Variants in IL13RA1 observed in about 807,000 individuals in gnomAD.
IL13RA1 encodes interleukin-13 receptor subunit alpha-1.
Under a neutral mutation model 33.8 loss-of-function variants are expected in IL13RA1, and 14 were observed. The observed-to-expected ratio is 0.41, with a 90% confidence interval of 0.27 to 0.65. The LOEUF (loss-of-function observed/expected upper bound fraction) is 0.65. IL13RA1 is among the 30% of genes least tolerant of loss of function. The pLI, the probability that IL13RA1 is intolerant of heterozygous loss-of-function variation, is 0.28. For missense variants in IL13RA1, 313 were observed against 327.0 expected (o/e 0.96, Z 0.33); for synonymous variants, 116 against 115.7 (o/e 1.00, Z -0.02).
rs182338764 is a variant in IL13RA1 at position 118,771,456 on chromosome X, C to G, written c.1010-2423C>G. ...GACACAGTAATGCTGGGGTGAGATGCTTGAAACTGTGTTTTAACAAACTCC... is the reference window on the plus strand; with the variant it reads ...GACACAGTAATGCTGGGGTGAGATGGTTGAAACTGTGTTTTAACAAACTCC... On this transcript the variant is annotated intron_variant, in intron 8 of 10. Transcript: ENST00000371666. 5.3e-4 allele frequency among the ~76,000 whole-genome samples: 59 copies of G among 112,258 alleles called. 3 individuals carry two copies. The East Asian group carries it at 9.6e-3, about 18-fold the overall frequency.
chrX:118,753,916 T>C (rs1452514089), intron 4 of IL13RA1, among the ~76,000 whole-genome samples: 3 of 112,958 alleles, frequency 2.7e-5, no homozygotes, highest in Non-Finnish European at 3.7e-5. Context: ...ACTGGCTACA[T>C]GTGGCTAGTT....
chrX:118,779,135 G>T (rs190105996), intron 10 of IL13RA1, among the ~76,000 whole-genome samples: 1 of 112,019 alleles, frequency 8.9e-6, no homozygotes, highest in African/African-American at 3.2e-5. Context: ...GGAAGATATT[G>T]GCATGTCTTG....
chrX:118,753,342 C>G (rs1603212160), intron 4 of IL13RA1, among the ~76,000 whole-genome samples: 2 of 112,672 alleles, frequency 1.8e-5, no homozygotes, highest in East Asian at 5.6e-4. Flanking sequence ...TTTGAAAAAG[C>G]ATTCCTCTTC....
intron 4 of IL13RA1, among the ~76,000 whole-genome samples, chrX:118,753,120 T>C (rs2017488873): frequency 1.8e-5 from 2 of 112,352 alleles, no homozygotes; most frequent in Non-Finnish European, 3.8e-5. Context: ...AAACTGTATC[T>C]CATTCCATGG....
intron 6 of IL13RA1, among the ~76,000 whole-genome samples, chrX:118,765,803 C>G (rs1344638635): frequency 8.9e-6 from 1 of 112,425 alleles, no homozygotes; most frequent in African/African-American, 3.2e-5. Flanking sequence ...CCTCACAACA[C>G]TTGTTGTTGT....
chrX:118,795,255 C>T (rs1215826548), downstream of IL13RA1, among the ~76,000 whole-genome samples: 5 of 104,469 alleles, frequency 4.8e-5, no homozygotes, highest in African/African-American at 1.9e-4. Context: ...AATCAGTTTT[C>T]AATAGCTGTC....
At chrX:118,797,062 A>G (rs1475339205), downstream of IL13RA1, among the ~76,000 whole-genome samples, 1 of 111,805 alleles carries the variant, frequency 8.9e-6, no homozygotes, top group East Asian at 2.8e-4. Flanking sequence ...CTATCTGTAA[A>G]ATGAAGGTGT....
intron 3 of IL13RA1, 99 bp from the exon 4 acceptor site, chrX:118,749,556 AAGC>A: frequency 1.3e-6 from 1 of 787,423 alleles, no homozygotes; most frequent in South Asian, 2.6e-5. Context: ...CTTTCTGACA[AAGC>A]AGCATGAAGC....
downstream of IL13RA1, among the ~76,000 whole-genome samples, chrX:118,796,239 A>T (rs1191046507): frequency 8.9e-6 from 1 of 112,349 alleles, no homozygotes; most frequent in African/African-American, 3.2e-5. Context: ...TGCTGGTCCC[A>T]TGAGTTAGGT....
chrX:118,766,626 G>A (rs765134267), intron 7 of IL13RA1, 49 bp downstream of exon 7: 1 of 713,963 alleles, frequency 1.4e-6, no homozygotes, highest in Non-Finnish European at 2.2e-6. Flanking sequence ...AGAGCAGTTG[G>A]GGGTGGAGCA....
intron 4 of IL13RA1, among the ~76,000 whole-genome samples, chrX:118,756,718 T>G (rs1449962496): frequency 9.0e-6 from 1 of 111,722 alleles, no homozygotes; most frequent in East Asian, 2.8e-4. Context: ...AAGGTGATTT[T>G]AATTTAAATT....
intron 6 of IL13RA1, among the ~76,000 whole-genome samples, chrX:118,765,297 G>A: frequency 9.3e-6 from 1 of 107,227 alleles, no homozygotes; most frequent in Middle Eastern, 4.7e-3. Context: ...GTAGAGACGA[G>A]GTTTCGCCAT....
chrX:118,729,302 C>T (rs1198078318), intron 1 of IL13RA1, among the ~76,000 whole-genome samples: 1 of 112,282 alleles, frequency 8.9e-6, no homozygotes, highest in Non-Finnish European at 1.9e-5. Context: ...TCAGTCCTGT[C>T]ACAATGGTTT....
the IL13RA1 span, among the ~76,000 whole-genome samples, chrX:118,801,130 C>T: frequency 8.9e-6 from 1 of 112,516 alleles, no homozygotes; most frequent in Non-Finnish European, 1.9e-5. Flanking sequence ...TAAATATAAT[C>T]TTCACACATG....
chrX:118,781,684 TC>T (rs1193679834), intron 10 of IL13RA1, among the ~76,000 whole-genome samples: 8 of 112,782 alleles, frequency 7.1e-5, no homozygotes, highest in Non-Finnish European at 9.4e-5. Context: ...AAGAATGCTT[TC>T]CTACATAGCC....
chrX:118,800,311 C>T, the IL13RA1 span, among the ~76,000 whole-genome samples: 3 of 109,780 alleles, frequency 2.7e-5, no homozygotes, highest in African/African-American at 6.6e-5. Context: ...TTTGCAATAT[C>T]TTGCTACTGC....
chrX:118,746,197 G>A (rs1254907428), intron 2 of IL13RA1, among the ~76,000 whole-genome samples: 1 of 110,430 alleles, frequency 9.1e-6, no homozygotes, highest in Non-Finnish European at 1.9e-5. Context: ...TTGGCTCACT[G>A]CAGCCTCCCG....
chrX:118,804,371 C>G, the IL13RA1 span, among the ~76,000 whole-genome samples: 1 of 102,198 alleles, frequency 9.8e-6, no homozygotes, highest in South Asian at 4.5e-4. Context: ...TTCCTTAAAA[C>G]AGAAAAAAAA....
At chrX:118,781,591 G>A (rs3014595) in intron 10 of IL13RA1, among the ~76,000 whole-genome samples, 18,973 of 111,747 alleles carry the variant, frequency 0.17, 1,464 homozygotes, top group East Asian at 0.43. Context: ...ACCTCAGGTG[G>A]TCCGCCCGCC....
Sources: allele counts gnomAD v4.1 joint callset (sites outside exome capture counted in the v4.1 genomes callset), GRCh38; gene constraint gnomAD v4.1.1; transcripts MANE v1.5; gene names NCBI Gene and HGNC (gene_info 2026-07-23, HGNC 2026-07-21).